Variants in SLC24A3 observed in about 807,000 individuals in gnomAD.
The protein encoded by SLC24A3 is solute carrier family 24 member 3, also known as sodium/potassium/calcium exchanger 3.
In SLC24A3, 28 loss-of-function variants were observed where a neutral mutation model predicts 75.8. That is an observed-to-expected ratio of 0.37 (90% confidence interval 0.27 to 0.51). The LOEUF (loss-of-function observed/expected upper bound fraction) is 0.51. SLC24A3 is among the 20% of genes least tolerant of loss of function. The pLI is 0.94. For missense variants in SLC24A3, 663 were observed against 847.8 expected (o/e 0.78, Z 2.71); for synonymous variants, 372 against 334.1 (o/e 1.11, Z -1.24).
At position 19,280,847 on chromosome 20, in the gene SLC24A3, G is replaced by C. The variant is rs1047053599; in HGVS notation, c.143-112G>C. On this transcript the variant is annotated intron_variant, in intron 1 of 16. Transcript: ENST00000328041. ...GCAGCTAGAGGCAGAGTGGCTGGGG[G>C]TGCAGGCGGGGCTGAACAAGTGATG... The C allele has an allele frequency of 1.5e-5, 22 of 1,444,746 alleles. No individual in the cohort carries two copies. In the Admixed American group the frequency reaches 4.7e-4, roughly 31 times the overall value. 89.5% of individuals were successfully genotyped at this position (1,444,746 alleles called of 1,614,324 possible). A position where few individuals can be genotyped will look rare whatever the true frequency, so the allele number is the denominator to read the frequency against.
At chr20:19,397,370 G>T (rs964309172) in intron 2 of SLC24A3, among the ~76,000 whole-genome samples, 2 of 152,086 alleles carry the variant, frequency 1.3e-5, no homozygotes, top group African/African-American at 4.8e-5. Flanking sequence ...TTGAGATGGC[G>T]TTATCTTGAC....
intron 2 of SLC24A3, among the ~76,000 whole-genome samples, chr20:19,413,631 G>T (rs991588911): frequency 6.6e-6 from 1 of 152,088 alleles, no homozygotes. Flanking sequence ...CCTCACCTTT[G>T]CAGCAGACTG....
chr20:19,339,574 A>G (rs1332995011), intron 2 of SLC24A3, among the ~76,000 whole-genome samples: 1 of 152,216 alleles, frequency 6.6e-6, no homozygotes, highest in African/African-American at 2.4e-5. Flanking sequence ...TAAATGCTGG[A>G]GTTGCATTTC....
intron 2 of SLC24A3, among the ~76,000 whole-genome samples, chr20:19,475,315 G>A (rs1987944867): frequency 1.3e-5 from 2 of 151,696 alleles, no homozygotes; most frequent in Non-Finnish European, 2.9e-5. Context: ...CTCCAGCCTG[G>A]GCAACAGAGT....
At chr20:19,230,270 T>G (rs1173585636) in intron 1 of SLC24A3, among the ~76,000 whole-genome samples, 1 of 152,142 alleles carries the variant, frequency 6.6e-6, no homozygotes, top group Non-Finnish European at 1.5e-5. Flanking sequence ...AAGGGGTGGT[T>G]GTTGTGCATG....
At position 19,346,159 on chromosome 20, in the gene SLC24A3, TGTATATATATG is replaced by T. The variant is rs1568595697; in HGVS notation, c.271+65083_271+65093del. ...ATATGGTGTGTGTATATATATATGG[TGTATATATATG>T]GTATATATATATGGTGTATATATAT... is the stretch of plus-strand genomic sequence containing the variant. On this transcript the variant is annotated intron_variant, in intron 2 of 16. Coordinates refer to ENST00000328041, the MANE Select transcript of SLC24A3 (RefSeq NM_020689.4). 2.8e-4 allele frequency among the ~76,000 whole-genome samples: 20 copies of T among 70,848 alleles called. 1 individual carries two copies. Among genetic ancestry groups the T allele is most frequent in the African/African-American group, 1.7e-3 (20 of 11,696 alleles). The allele number at this position is 70,848 out of a possible 152,430, so 46.5% of individuals were successfully genotyped here. A position where few individuals can be genotyped will look rare whatever the true frequency, so the allele number is the denominator to read the frequency against.
chr20:19,269,738 C>G (rs891871139), intron 1 of SLC24A3, among the ~76,000 whole-genome samples: 6 of 148,938 alleles, frequency 4.0e-5, no homozygotes, highest in African/African-American at 1.5e-4. Flanking sequence ...CACAGATGCC[C>G]CCTGTTGCCT....
At chr20:19,636,102 T>C (rs1446155599) in intron 6 of SLC24A3, among the ~76,000 whole-genome samples, 1 of 152,074 alleles carries the variant, frequency 6.6e-6, no homozygotes, top group African/African-American at 2.4e-5. Flanking sequence ...ATCGTGCCAC[T>C]GCACTTCAGC....
chr20:19,624,811 T>C (rs1047552102), intron 6 of SLC24A3, among the ~76,000 whole-genome samples: 1 of 152,198 alleles, frequency 6.6e-6, no homozygotes, highest in Non-Finnish European at 1.5e-5. Context: ...TCCCACTCAT[T>C]GAGTTCTGAT....
chr20:19,709,343 T>TG (rs1363345069), intron 15 of SLC24A3, among the ~76,000 whole-genome samples: 1 of 151,882 alleles, frequency 6.6e-6, no homozygotes, highest in Non-Finnish European at 1.5e-5. Flanking sequence ...CTCAGGGAGA[T>TG]GGGGGGATGT....
At chr20:19,709,460 A>G (rs1009340512) in intron 15 of SLC24A3, among the ~76,000 whole-genome samples, 11 of 152,070 alleles carry the variant, frequency 7.2e-5, no homozygotes, top group Non-Finnish European at 1.5e-5. Flanking sequence ...TGTCCCTACT[A>G]AAAACACAAA....
chr20:19,517,611 C>T (rs1475898102), intron 3 of SLC24A3, among the ~76,000 whole-genome samples: 1 of 152,196 alleles, frequency 6.6e-6, no homozygotes, highest in Non-Finnish European at 1.5e-5. Context: ...CACTGTTAGC[C>T]CCTGCCCTGG....
chr20:19,332,902 C>G (rs1253163154), intron 2 of SLC24A3, among the ~76,000 whole-genome samples: 1 of 152,152 alleles, frequency 6.6e-6, no homozygotes, highest in Non-Finnish European at 1.5e-5. Context: ...GTCTAGGGAG[C>G]CAGGACAATT....
intron 3 of SLC24A3, 136 bp downstream of exon 3, chr20:19,515,700 C>A: frequency 1.3e-6 from 1 of 794,562 alleles, no homozygotes; most frequent in Non-Finnish European, 2.1e-6. Context: ...GTCCTTCGAG[C>A]TCTGTAGGGG....
chr20:19,540,425 G>A (rs563786238), intron 3 of SLC24A3, among the ~76,000 whole-genome samples: 17 of 152,280 alleles, frequency 1.1e-4, no homozygotes, highest in Admixed American at 6.5e-4. Flanking sequence ...CCACACAAGG[G>A]CTCTGCCTGA....
At chr20:19,357,146 A>G (rs1285846488) in intron 2 of SLC24A3, among the ~76,000 whole-genome samples, 1 of 152,186 alleles carries the variant, frequency 6.6e-6, no homozygotes, top group East Asian at 1.9e-4. Context: ...TAGACACACA[A>G]GAAGATATGA....
At chr20:19,217,167 T>A (rs954561193) in intron 1 of SLC24A3, among the ~76,000 whole-genome samples, 3 of 152,230 alleles carry the variant, frequency 2.0e-5, no homozygotes, top group African/African-American at 7.2e-5. Flanking sequence ...TAAGTCACAG[T>A]CACAGAATGT....
At chr20:19,312,006 T>C (rs1984470246) in intron 2 of SLC24A3, among the ~76,000 whole-genome samples, 1 of 152,192 alleles carries the variant, frequency 6.6e-6, no homozygotes, top group African/African-American at 2.4e-5. Flanking sequence ...TTGTTCTACT[T>C]CATGTTTCAA....
intron 2 of SLC24A3, among the ~76,000 whole-genome samples, chr20:19,469,161 C>T (rs987216678): frequency 2.0e-5 from 3 of 151,906 alleles, no homozygotes; most frequent in Admixed American, 6.6e-5. Flanking sequence ...GTGACAGAAG[C>T]GGACGGATGA....
Sources: allele counts gnomAD v4.1 joint callset (sites outside exome capture counted in the v4.1 genomes callset), GRCh38; gene constraint gnomAD v4.1.1; transcripts MANE v1.5; gene names NCBI Gene and HGNC (gene_info 2026-07-23, HGNC 2026-07-21).